RPL11: variants seen among roughly 807,000 people sequenced by gnomAD.
RPL11 encodes large ribosomal subunit protein uL5.
RPL11 carries 3 observed loss-of-function variants against 24.1 expected under a neutral mutation model. That is an observed-to-expected ratio of 0.12 (90% CI 0.06 to 0.32). The LOEUF is 0.32. RPL11 is among the 10% of genes least tolerant of loss of function. The probability of loss-of-function intolerance (pLI) is 1.00; values close to 1 mark genes in which losing one functional copy is unlikely to be tolerated. For synonymous variants in RPL11, 96 were observed against 75.7 expected (o/e 1.27, Z -1.39); for missense variants, 146 against 225.7 (o/e 0.65, Z 2.26).
At chr1:23,693,150 C>T (rs192402268) in intron 2 of RPL11, among the ~76,000 whole-genome samples, 2 of 152,322 alleles carry the variant, frequency 1.3e-5, no homozygotes, top group East Asian at 3.9e-4. Flanking sequence ...TGCCACTGCA[C>T]TCCAGCCTGG....
At chr1:23,694,852 T>C in intron 4 of RPL11, 61 bp downstream of exon 4, 5 of 1,610,060 alleles carry the variant, frequency 3.1e-6, no homozygotes, top group Non-Finnish European at 4.2e-6. Context: ...CTTTATTTCA[T>C]ATGTGGTATG....
chr1:23,694,546 T>C (rs1644521694), intron 3 of RPL11, 114 bp from the exon 4 acceptor site: 2 of 1,450,672 alleles, frequency 1.4e-6, no homozygotes, highest in Non-Finnish European at 1.9e-6. Context: ...CCAAGTTTCA[T>C]TGACTTCTGT....
At chr1:23,692,544 A>G in intron 1 of RPL11, 65 bp from the exon 2 acceptor site, 2 of 1,596,010 alleles carry the variant, frequency 1.3e-6, no homozygotes, top group Admixed American at 1.7e-5. Context: ...CTGTGCAGAT[A>G]GAAAGTAGTA....
intron 2 of RPL11, among the ~76,000 whole-genome samples, 172 bp from the exon 3 acceptor site, chr1:23,693,635 T>G (rs1321809291): frequency 6.6e-6 from 1 of 152,216 alleles, no homozygotes; most frequent in East Asian, 1.9e-4. Flanking sequence ...ATCTGTGCTG[T>G]GGATGAAATC....
rs201786327 is a variant in RPL11, at chr1:23,694,800, A to G, written c.396+9A>G. The G allele has an allele frequency of 4.6e-4, 750 of 1,614,172 alleles. No individual in the cohort carries two copies. The highest frequency in any genetic ancestry group is 5.4e-4 in the Non-Finnish European group (638 of 1,180,036). ...GCCTGGACTTCTATGTGGTATGAATATTTAATCTTTTCCCGCTCCTGGTCT... is the reference window on the plus strand; with the variant it reads ...GCCTGGACTTCTATGTGGTATGAATGTTTAATCTTTTCCCGCTCCTGGTCT... On this transcript the variant is annotated intron_variant, in intron 4 of 5. Coordinates refer to ENST00000643754, the MANE Select transcript of RPL11 (RefSeq NM_000975.5).
Position 23,696,456 on chromosome 1 carries a change from G to A in RPL11, c.*83G>A, listed in dbSNP as rs954877000. 1.4e-6 allele frequency: 2 copies of A among 1,433,786 alleles called. No individual in the cohort carries two copies. Among genetic ancestry groups the A allele is most frequent in the African/African-American group, 2.8e-5 (2 of 71,426 alleles). The allele number at this position is 1,433,786 out of a possible 1,614,324, so 88.8% of individuals were successfully genotyped here. On this transcript the variant is annotated 3_prime_UTR_variant, in exon 6 of 6. Transcript: ENST00000643754. ...TTGTGTGTTCTGTGAAAGGATCCTG[G>A]CCATATTCAAGTCCTTGGACCTCAA...
intron 2 of RPL11, among the ~76,000 whole-genome samples, chr1:23,693,088 G>A (rs1644511569): frequency 6.6e-6 from 1 of 152,144 alleles, no homozygotes; most frequent in Non-Finnish European, 1.5e-5. Flanking sequence ...TATATAGGCT[G>A]CATTAAGAAC....
rs1644529812 is a variant in RPL11, at chr1:23,695,827, A to G, written c.426A>G (p.Ala142=). The part of the protein sequence containing the change: ...VVLGRPGFSI[A]DKKRRTGCIG... ...TGGGTAGGCCAGGTTTCAGCATCGCAGACAAGAAGCGCAGGACAGGCTGCA... is the reference window on the plus strand; with the variant it reads ...TGGGTAGGCCAGGTTTCAGCATCGCGGACAAGAAGCGCAGGACAGGCTGCA... Residue 142 remains alanine, a synonymous_variant, in exon 5 of 6, where the codon GCA becomes GCG. Coordinates refer to ENST00000643754, the MANE Select transcript of RPL11 (RefSeq NM_000975.5). 2.5e-6 allele frequency: 4 copies of G among 1,599,302 alleles called. No individual in the cohort carries two copies. The South Asian group carries it at 3.4e-5, about 14-fold the overall frequency.
At chr1:23,694,487 T>G (rs1320924334) in intron 3 of RPL11, among the ~76,000 whole-genome samples, 173 bp from the exon 4 acceptor site, 2 of 151,788 alleles carry the variant, frequency 1.3e-5, no homozygotes, top group Admixed American at 1.3e-4. Flanking sequence ...GTAGTTGGGG[T>G]GTGAATCTAT....
At position 23,693,877 on chromosome 1, in the gene RPL11, G is replaced by C. The variant is rs1276031713; in HGVS notation, c.228G>C (p.Gly76=). The C allele has an allele frequency of 6.2e-7, 1 of 1,614,002 alleles. No homozygotes were observed. Among genetic ancestry groups the C allele is most frequent in the Non-Finnish European group, 8.5e-7 (1 of 1,180,022 alleles). Residue 76 remains glycine (G), a synonymous_variant, in exon 3 of 6, where the codon GGG becomes GGC. Coordinates refer to ENST00000643754, the MANE Select transcript of RPL11 (RefSeq NM_000975.5). ...TTGCTGTCCACTGCACAGTTCGAGG[G>C]GCCAAGGCAGAAGAAATCTTGGAGA... ...EKIAVHCTVR[G]AKAEEILEKG...
intron 3 of RPL11, among the ~76,000 whole-genome samples, chr1:23,694,345 T>C (rs1455877232): frequency 1.3e-5 from 2 of 151,812 alleles, no homozygotes; most frequent in Non-Finnish European, 2.9e-5. Flanking sequence ...GCCACTGCAC[T>C]CCAGCTTAGG....
Position 23,692,668 on chromosome 1 carries a change from C to T in RPL11, c.66C>T (p.Leu22=). 3 of 1,614,188 alleles carry T rather than the reference C, an allele frequency of 1.9e-6. No individual in the cohort carries two copies. The highest frequency in any genetic ancestry group is 2.5e-6 in the Non-Finnish European group (3 of 1,180,042). ...AACTTCGCATCCGCAAACTCTGTCT[C>T]AACATCTGTGTTGGGGAGAGTGGAG... is the stretch of plus-strand genomic sequence containing the variant. ...MRELRIRKLC[L]NICVGESGDR... The change falls in exon 2 of 6, where the codon CTC becomes CTT. Residue 22 remains leucine (L), a synonymous_variant. Transcript: ENST00000643754.
At position 23,691,818 on chromosome 1, in the gene RPL11, T is replaced by C. The variant is rs776164263; in HGVS notation, c.-6T>C. On this transcript the variant is annotated 5_prime_UTR_variant, in exon 1 of 6. Coordinates refer to ENST00000643754, the MANE Select transcript of RPL11 (RefSeq NM_000975.5). ...GAAGCTCCGCTTTCTCTTCCTGCTC[T>C]CCATCATGGCGGTGAGTAGCTGGGA... The C allele has an allele frequency of 3.7e-6, 6 of 1,614,246 alleles. No individual in the cohort carries two copies. The highest frequency in any genetic ancestry group is 2.7e-5 in the African/African-American group (2 of 75,070).
intron 2 of RPL11, 44 bp from the exon 3 acceptor site, chr1:23,693,762 TG>T (rs750573961): frequency 4.7e-6 from 6 of 1,289,936 alleles, no homozygotes; most frequent in Non-Finnish European, 6.8e-6. Flanking sequence ...GTGAGTGTAG[TG>T]GGGGTATGAT....
chr1:23,695,824 C>T lies in RPL11; in HGVS notation c.423C>T (p.Ile141=), dbSNP rs1250840823. The T allele has an allele frequency of 6.3e-6, 10 of 1,597,854 alleles. No individual in the cohort carries two copies. Among genetic ancestry groups the T allele is most frequent in the South Asian group, 2.3e-5 (2 of 87,928 alleles). Residue 141 remains isoleucine, a synonymous_variant, in exon 5 of 6, where the codon ATC becomes ATT. Coordinates refer to ENST00000643754, the MANE Select transcript of RPL11 (RefSeq NM_000975.5). ...YVVLGRPGFS[I]ADKKRRTGCI... ...TGCTGGGTAGGCCAGGTTTCAGCATCGCAGACAAGAAGCGCAGGACAGGCT... is the reference window on the plus strand; with the variant it reads ...TGCTGGGTAGGCCAGGTTTCAGCATTGCAGACAAGAAGCGCAGGACAGGCT...
chr1:23,694,544 C>T (rs1644521658), intron 3 of RPL11, 116 bp from the exon 4 acceptor site: 1 of 1,434,930 alleles, frequency 7.0e-7, no homozygotes, highest in East Asian at 2.3e-5. Flanking sequence ...AGCCAAGTTT[C>T]ATTGACTTCT....
chr1:23,694,951 A>C (rs972868682), intron 4 of RPL11, 160 bp downstream of exon 4: 3 of 1,092,366 alleles, frequency 2.7e-6, no homozygotes, highest in South Asian at 1.3e-5. Context: ...ATTTGTGGCA[A>C]ATGTAGGGGT....
chr1:23,694,628 A>G (rs763435650), intron 3 of RPL11, 32 bp from the exon 4 acceptor site: 1 of 1,613,442 alleles, frequency 6.2e-7, no homozygotes, highest in African/African-American at 1.3e-5. Flanking sequence ...TGAAGATGAC[A>G]AGGAATGTTA....
Position 23,696,778 on chromosome 1 carries a change from C to G in RPL11, c.*405C>G. The G allele has an allele frequency of 1.1e-5, 3 of 280,524 alleles. No individual in the cohort carries two copies. In the South Asian group the frequency reaches 1.2e-4, roughly 12 times the overall value. 17.4% of individuals were successfully genotyped at this position (280,524 alleles called of 1,614,324 possible). A position where few individuals can be genotyped will look rare whatever the true frequency, so the allele number is the denominator to read the frequency against. On this transcript the variant is annotated 3_prime_UTR_variant, in exon 6 of 6. Coordinates refer to ENST00000643754, the MANE Select transcript of RPL11 (RefSeq NM_000975.5). The stretch of plus-strand genomic sequence containing the variant: ...AGAAATTTTATCAGCATTGATGCGT[C>G]ATGAAGGAATGACAGGCTTTGGTGT...
Sources: gnomAD v4.1 joint callset for allele counts (sites outside exome capture counted in the v4.1 genomes callset) on GRCh38, gnomAD v4.1.1 for gene constraint, MANE v1.5 for transcripts, NCBI Gene and HGNC (gene_info 2026-07-23, HGNC 2026-07-21) for gene names.